The following MIA3 variants were observed in gnomAD, a reference collection of about 807,000 sequenced individuals.
The protein encoded by MIA3 is MIA SH3 domain ER export factor 3.
A neutral mutation model predicts 192.4 loss-of-function variants in MIA3; 90 were observed. That is an observed-to-expected ratio of 0.47 (90% CI 0.39 to 0.56). The LOEUF is 0.56. Ranked by LOEUF, MIA3 falls within the 20% of genes least tolerant of loss-of-function variation. The pLI, the probability that MIA3 is intolerant of heterozygous loss-of-function variation, is 0.00. For synonymous variants in MIA3, 740 were observed against 792.8 expected (o/e 0.93, Z 1.12); for missense variants, 2,123 against 2,269.4 (o/e 0.94, Z 1.31).
intron 1 of MIA3, among the ~76,000 whole-genome samples, chr1:222,619,163 C>G (rs933232094): frequency 6.6e-6 from 1 of 152,196 alleles, no homozygotes; most frequent in African/African-American, 2.4e-5. Context: ...ACAGGAATGA[C>G]AGTAAATACT....
chr1:222,657,918 A>G (rs569498208), intron 18 of MIA3, among the ~76,000 whole-genome samples: 1 of 152,334 alleles, frequency 6.6e-6, no homozygotes, highest in Admixed American at 6.5e-5. Context: ...TTTCCAATTT[A>G]TAGAAAATTT....
chr1:222,665,574 G>C lies in MIA3; in HGVS notation c.5679G>C (p.Gln1893His). 6.2e-7 allele frequency: 1 copy of C among 1,613,818 alleles called. No individual in the cohort carries two copies. Among genetic ancestry groups the C allele is most frequent in the Non-Finnish European group, 8.5e-7 (1 of 1,179,818 alleles). Residue 1893 changes from glutamine to histidine, a missense_variant, in exon 28 of 28, where the codon CAG becomes CAC. Gln to His is a conservative substitution (Grantham distance 24). Around this residue, in one of 3 missense-constraint regions of MIA3, gnomAD observed 762 missense variants for 856.4 expected, o/e 0.89. Coordinates refer to ENST00000344922, the MANE Select transcript of MIA3 (RefSeq NM_198551.4). ...GSRDEPPPAS[Q>H]STSQDCSQAL... ...GAGATGAGCCTCCACCTGCCTCTCAGAGCACTAGCCAGGACTGTTCACAGG... is the reference window on the plus strand; with the variant it reads ...GAGATGAGCCTCCACCTGCCTCTCACAGCACTAGCCAGGACTGTTCACAGG...
At chr1:222,625,301 G>A (rs905609017) in intron 3 of MIA3, among the ~76,000 whole-genome samples, 3 of 152,164 alleles carry the variant, frequency 2.0e-5, no homozygotes, top group African/African-American at 7.2e-5. Context: ...CACTGCGCCC[G>A]GCCAAGGCCG....
In MIA3 at chr1:222,628,549, T is replaced by C. The variant is rs1364991915; in HGVS notation, c.1329T>C (p.Gly443=). The change falls in exon 4 of 28, where the codon GGT becomes GGC. Residue 443 remains glycine, a synonymous_variant. Coordinates refer to ENST00000344922, the MANE Select transcript of MIA3 (RefSeq NM_198551.4). ...GTGACCCTGACAATGTAGATGATGGTCTTTTTATTGTAGACATTCCTAAAA... is the reference window on the plus strand; with the variant it reads ...GTGACCCTGACAATGTAGATGATGGCCTTTTTATTGTAGACATTCCTAAAA... The part of the protein sequence containing the change: ...DYSDPDNVDD[G]LFIVDIPKTN... 6.2e-7 allele frequency: 1 copy of C among 1,614,066 alleles called. No individual in the cohort carries two copies. The highest frequency in any genetic ancestry group is 8.5e-7 in the Non-Finnish European group (1 of 1,180,048).
intron 6 of MIA3, among the ~76,000 whole-genome samples, chr1:222,634,933 G>A (rs974084266): frequency 1.3e-5 from 2 of 152,174 alleles, no homozygotes; most frequent in Non-Finnish European, 2.9e-5. Flanking sequence ...TTGTTGGTAA[G>A]AATTAAATGA....
At chr1:222,620,365 C>T (rs750288367) in intron 1 of MIA3, among the ~76,000 whole-genome samples, 1 of 152,202 alleles carries the variant, frequency 6.6e-6, no homozygotes, top group Non-Finnish European at 1.5e-5. Flanking sequence ...GACCTATTCT[C>T]ATAGTTTTGC....
chr1:222,630,443 G>A (rs770228310), intron 4 of MIA3, 54 bp downstream of exon 4: 10 of 1,512,916 alleles, frequency 6.6e-6, no homozygotes, highest in African/African-American at 1.4e-5. Flanking sequence ...TGGGTGGGTC[G>A]CTGAGGTGCC....
At chr1:222,621,809 G>A (rs199853523) in intron 2 of MIA3, among the ~76,000 whole-genome samples, 1 of 97,150 alleles carries the variant, frequency 1.0e-5, no homozygotes, top group Non-Finnish European at 2.7e-5. Context: ...TTTCTTGTTT[G>A]TTTGTTTTTT....
rs1450007512 is a variant in MIA3 at position 222,629,156 on chromosome 1, G to A, written c.1936G>A (p.Asp646Asn). ...GATTGATTTGCCCAGAGAACTGGAA[G>A]ACGAGGTTCCCATTCTGGGAAGAAA... ...DEIDLPRELE[D>N]EVPILGRNLP... Residue 646 changes from aspartate (D) to asparagine (N), a missense_variant, in exon 4 of 28, where the codon GAC becomes AAC. Transcript: ENST00000344922. 2 of 1,614,162 alleles carry A rather than the reference G, an allele frequency of 1.2e-6. No homozygotes were observed. Among genetic ancestry groups the A allele is most frequent in the East Asian group, 4.5e-5 (2 of 44,884 alleles).
rs148639874 is a variant in MIA3, at chr1:222,628,259, G to A, written c.1039G>A (p.Val347Ile). 4.0e-4 allele frequency: 643 copies of A among 1,614,076 alleles called. 2 individuals are homozygous for A. The African/African-American group carries it at 7.2e-3, about 18-fold the overall frequency. The part of the protein sequence containing the change: ...EDMKTPAKSG[V>I]EKYPTDKEQN... Reference sequence around the variant, plus strand: ...TATGAAAACTCCAGCAAAGTCTGGCGTTGAGAAATATCCAACAGATAAAGA... The same window carrying A: ...TATGAAAACTCCAGCAAAGTCTGGCATTGAGAAATATCCAACAGATAAAGA... The change falls in exon 4 of 28, where the codon GTT becomes ATT. Residue 347 changes from valine (V) to isoleucine (I), a missense_variant. Coordinates refer to ENST00000344922, the MANE Select transcript of MIA3 (RefSeq NM_198551.4).
chr1:222,650,698 C>T lies in MIA3; in HGVS notation c.3785C>T (p.Ala1262Val). 1 of 1,595,686 alleles carries T rather than the reference C, an allele frequency of 6.3e-7. No homozygotes were observed. The highest frequency in any genetic ancestry group is 1.1e-5 in the South Asian group (1 of 88,424). The part of the protein sequence containing the change: ...RKQNMILSDE[A>V]IKYKDKIKTL... ...CAAAATATGATTCTCTCTGATGAAG[C>T]AATTAAATATAAGGTAAAAACTTCT... Residue 1262 changes from alanine to valine, a missense_variant, in exon 10 of 28, where the codon GCA becomes GTA. Transcript: ENST00000344922.
rs765260335 is a variant in MIA3 at position 222,632,196 on chromosome 1, A to G, written c.3201A>G (p.Ser1067=). 5.0e-6 allele frequency: 8 copies of G among 1,613,802 alleles called. No individual in the cohort carries two copies. The Admixed American group carries it at 6.7e-5, about 13-fold the overall frequency. Residue 1067 remains serine (S), a synonymous_variant, in exon 5 of 28, where the codon TCA becomes TCG. Coordinates refer to ENST00000344922, the MANE Select transcript of MIA3 (RefSeq NM_198551.4). ...AACCACTGCATGAAGATAATTTCTC[A>G]CGAGAGAAGACAGCAGAACTTAATG... ...EMQPLHEDNF[S]REKTAELNVQ...
At chr1:222,621,516 C>T (rs1338734960) in intron 2 of MIA3, among the ~76,000 whole-genome samples, 2 of 152,142 alleles carry the variant, frequency 1.3e-5, no homozygotes, top group Admixed American at 1.3e-4. Context: ...GCAAGTTCCC[C>T]TCAGGGTCAA....
intron 6 of MIA3, among the ~76,000 whole-genome samples, chr1:222,634,213 T>C (rs1662533504): frequency 6.6e-6 from 1 of 151,560 alleles, no homozygotes; most frequent in Non-Finnish European, 1.5e-5. Context: ...CCCATCTACT[T>C]GGGAGGCTGA....
In MIA3 at chr1:222,633,182, C is replaced by A; in HGVS notation, c.3410C>A (p.Ala1137Glu). 1 of 1,614,018 alleles carries A rather than the reference C, an allele frequency of 6.2e-7. No individual in the cohort carries two copies. ...CCAGAGACAGCCGCCGAAGAGCCGG[C>A]AAGTGTCACACCTTTGGAAAACGCA... ...KQPETAAEEP[A>E]SVTPLENAIL... is the part of the protein sequence containing the mutation. Residue 1137 changes from alanine to glutamate, a missense_variant, in exon 6 of 28, where the codon GCA (alanine) becomes GAA (glutamate). Physicochemically the swap from Ala to Glu is moderately radical, Grantham distance 107. This residue lies in a region of MIA3 where 1,357 missense variants were observed against 1,396.1 expected (regional missense o/e 0.97). Transcript: ENST00000344922.
rs768985064 is a variant in MIA3 at position 222,627,822 on chromosome 1, A to T, written c.602A>T (p.Gln201Leu). 1 of 1,614,084 alleles carries T rather than the reference A, an allele frequency of 6.2e-7. No homozygotes were observed. The highest frequency in any genetic ancestry group is 2.2e-5 in the East Asian group (1 of 44,880). The change falls in exon 4 of 28, where the codon CAG becomes CTG. Residue 201 changes from glutamine to leucine, a missense_variant. This residue lies in a region of MIA3 where 1,357 missense variants were observed against 1,396.1 expected (regional missense o/e 0.97). Transcript: ENST00000344922. ...TTCTCAGAAAACACTGAGGATCTTC[A>T]GGAACAGTTTACAACTCAGAAGCAC... ...SVFSENTEDLQEQFTTQKHHS... is the reference protein window; with the variant it reads ...SVFSENTEDLLEQFTTQKHHS...
intron 6 of MIA3, among the ~76,000 whole-genome samples, chr1:222,644,773 C>T (rs1685777321): frequency 6.9e-6 from 1 of 144,000 alleles, no homozygotes; most frequent in African/African-American, 2.5e-5. Context: ...TTTCGTCACT[C>T]TTTTTTTTTT....
chr1:222,641,359 A>G, intron 6 of MIA3: 1 of 334,012 alleles, frequency 3.0e-6, no homozygotes, highest in South Asian at 2.7e-5. Flanking sequence ...CTTCCCTGGC[A>G]CCAGGAAGCC....
chr1:222,633,377 C>T, intron 6 of MIA3, 128 bp downstream of exon 6: 2 of 788,004 alleles, frequency 2.5e-6, no homozygotes, highest in Non-Finnish European at 4.0e-6. Context: ...GAAGAGAGAC[C>T]CTGAAATGAG....
Sources: gnomAD v4.1 joint callset for allele counts (sites outside exome capture counted in the v4.1 genomes callset) on GRCh38, gnomAD v4.1.1 for gene constraint, gnomAD v4.1.1 regional missense constraint, MANE v1.5 for transcripts, NCBI Gene and HGNC (gene_info 2026-07-23, HGNC 2026-07-21) for gene names.